The following POU6F2 variants were observed in gnomAD, a reference collection of about 807,000 sequenced individuals.
POU6F2 encodes the protein POU class 6 homeobox 2.
In POU6F2, 31 loss-of-function variants were observed where a neutral mutation model predicts 71.3. The ratio of observed to expected loss-of-function variants is 0.43; its 90% CI spans 0.33 to 0.59. POU6F2 has a LOEUF of 0.59. Ranked by LOEUF, POU6F2 falls within the 20% of genes least tolerant of loss-of-function variation. The pLI, the probability that POU6F2 is intolerant of heterozygous loss-of-function variation, is 0.04. For synonymous variants in POU6F2, 347 were observed against 355.7 expected (o/e 0.98, Z 0.27); for missense variants, 783 against 856.8 (o/e 0.91, Z 1.07).
chr7:39,277,399 C>A (rs1004343587), intron 4 of POU6F2, among the ~76,000 whole-genome samples: 1 of 152,078 alleles, frequency 6.6e-6, no homozygotes, highest in African/African-American at 2.4e-5. Flanking sequence ...CCCTTGCCCC[C>A]CTCCCTCTCT....
chr7:39,461,807 A>G (rs79502566), intron 9 of POU6F2, among the ~76,000 whole-genome samples: 1,647 of 152,320 alleles, frequency 0.011, 32 homozygotes, highest in African/African-American at 0.037. Context: ...TTCTTATAAG[A>G]TACCTCCCTG....
At chr7:39,325,106 A>C (rs1462047036) in intron 4 of POU6F2, among the ~76,000 whole-genome samples, 4 of 152,224 alleles carry the variant, frequency 2.6e-5, no homozygotes, top group Non-Finnish European at 4.4e-5. Context: ...ACATTTTGCT[A>C]TACAATTAAA....
intron 2 of POU6F2, among the ~76,000 whole-genome samples, chr7:39,090,824 G>C (rs1791349434): frequency 6.6e-6 from 1 of 152,074 alleles, no homozygotes; most frequent in Non-Finnish European, 1.5e-5. Flanking sequence ...TGCAAAAACT[G>C]TTATTTAAAA....
At chr7:39,383,206 A>G (rs1246315240) in intron 5 of POU6F2, among the ~76,000 whole-genome samples, 1 of 152,226 alleles carries the variant, frequency 6.6e-6, no homozygotes, top group Non-Finnish European at 1.5e-5. Context: ...GTGTGTAACA[A>G]ACGTAATACA....
At chr7:39,350,035 A>G (rs2115664786) in intron 5 of POU6F2, among the ~76,000 whole-genome samples, 1 of 152,326 alleles carries the variant, frequency 6.6e-6, no homozygotes, top group African/African-American at 2.4e-5. Context: ...CTCTGTGCTC[A>G]GAACTAGTAG....
chr7:39,013,473 G>A (rs1218915722), intron 1 of POU6F2: 1 of 160,120 alleles, frequency 6.2e-6, no homozygotes, highest in Non-Finnish European at 1.3e-5. Flanking sequence ...TGGAAATGCA[G>A]AAATCACCCG....
intron 5 of POU6F2, among the ~76,000 whole-genome samples, chr7:39,372,538 G>T (rs572310043): frequency 7.2e-5 from 11 of 152,286 alleles, no homozygotes; most frequent in Non-Finnish European, 1.5e-4. Context: ...TCAGTCTTTT[G>T]TTCTGCACAA....
At chr7:38,988,543 G>A (rs922928912) in intron 1 of POU6F2, among the ~76,000 whole-genome samples, 8 of 151,994 alleles carry the variant, frequency 5.3e-5, no homozygotes, top group Non-Finnish European at 1.2e-4. Flanking sequence ...AATGTCTAAT[G>A]TTTAATACTA....
chr7:39,246,360 T>A (rs1396222138), intron 4 of POU6F2, among the ~76,000 whole-genome samples: 3 of 152,156 alleles, frequency 2.0e-5, no homozygotes, highest in African/African-American at 7.2e-5. Flanking sequence ...TTGTGATTAG[T>A]ACTACCAAAG....
At chr7:39,107,293 C>T (rs1791711068) in intron 2 of POU6F2, among the ~76,000 whole-genome samples, 1 of 152,020 alleles carries the variant, frequency 6.6e-6, no homozygotes, top group Admixed American at 6.6e-5. Context: ...GATCCTCCCA[C>T]CTAAGCCTCC....
chr7:39,347,465 C>T (rs1035298494), intron 5 of POU6F2, among the ~76,000 whole-genome samples: 4 of 152,040 alleles, frequency 2.6e-5, no homozygotes, highest in Admixed American at 1.3e-4. Context: ...CAGTACAGGG[C>T]AAACCTACAC....
chr7:39,460,801 G>C lies in POU6F2; in HGVS notation c.1658+86G>C. 2 of 1,402,528 alleles carry C rather than the reference G, an allele frequency of 1.4e-6. No individual in the cohort carries two copies. The highest frequency in any genetic ancestry group is 1.9e-6 in the Non-Finnish European group (2 of 1,063,838). 86.9% of individuals were successfully genotyped at this position (1,402,528 alleles called of 1,614,324 possible). ...GGTTCAGCTTTTCTTCGTCGGGTGG[G>C]CAAAGCTGGAGGGGCAGAGAGTGGG... On this transcript the variant is annotated intron_variant, in intron 9 of 9. Transcript: ENST00000518318. The surrounding 1 kb of genome is among the most constrained non-coding windows in gnomAD (Gnocchi z 4.4).
intron 3 of POU6F2, among the ~76,000 whole-genome samples, chr7:39,204,966 T>G (rs972182735): frequency 1.3e-5 from 2 of 151,846 alleles, no homozygotes; most frequent in African/African-American, 4.8e-5. Context: ...TTCATCCTGC[T>G]TTTTTGGAAA....
chr7:39,006,440 G>A (rs972577552), intron 1 of POU6F2, among the ~76,000 whole-genome samples: 3 of 151,988 alleles, frequency 2.0e-5, no homozygotes, highest in African/African-American at 7.3e-5. Context: ...TTCCAGCCTG[G>A]GTGACAGAGC....
chr7:39,318,533 A>G (rs1022773059), intron 4 of POU6F2, among the ~76,000 whole-genome samples: 1 of 152,214 alleles, frequency 6.6e-6, no homozygotes, highest in African/African-American at 2.4e-5. Flanking sequence ...AGACAACACC[A>G]GAGAGAAAAG....
chr7:39,449,121 A>C (rs1788594482), intron 7 of POU6F2, among the ~76,000 whole-genome samples: 1 of 152,214 alleles, frequency 6.6e-6, no homozygotes, highest in African/African-American at 2.4e-5. Flanking sequence ...ACGGGTGTTC[A>C]CTTGAAATGC....
Position 39,464,030 on chromosome 7 carries a change from G to T in POU6F2, c.1659-152G>T, listed in dbSNP as rs186033242. 6.6e-6 allele frequency among the ~76,000 whole-genome samples: 1 copy of T among 152,310 alleles called. No individual in the cohort carries two copies. The highest frequency in any genetic ancestry group is 6.5e-5 in the Admixed American group (1 of 15,304). On this transcript the variant is annotated intron_variant, in intron 9 of 9. Coordinates refer to ENST00000518318, the MANE Select transcript of POU6F2 (RefSeq NM_001370959.1). This position sits in a 1 kb window ranked among gnomAD's most constrained non-coding sequence, Gnocchi z 4.1. ...GTCTGGCATGGAGCACGCTGGGAGG[G>T]TGGGCGCTGGCTTGGGCAGGGCTGG...
chr7:39,007,335 G>A (rs900247564), intron 1 of POU6F2, among the ~76,000 whole-genome samples: 2 of 152,132 alleles, frequency 1.3e-5, no homozygotes, highest in Non-Finnish European at 2.9e-5. Flanking sequence ...GAGGCTTAAA[G>A]TATTTTGGGG....
chr7:39,416,170 C>T (rs1583585212), intron 6 of POU6F2, among the ~76,000 whole-genome samples: 1 of 149,662 alleles, frequency 6.7e-6, no homozygotes, highest in Admixed American at 6.6e-5. Context: ...TAAACCTTAC[C>T]GAATAATTAC....
Sources: gnomAD v4.1 joint callset for allele counts (sites outside exome capture counted in the v4.1 genomes callset) on GRCh38, gnomAD v4.1.1 for gene constraint, Gnocchi (gnomAD v3.1) non-coding constraint, MANE v1.5 for transcripts, NCBI Gene and HGNC (gene_info 2026-07-23, HGNC 2026-07-21) for gene names.